SPRY3: variants seen among roughly 807,000 people sequenced by gnomAD.
The protein encoded by SPRY3 is sprouty RTK signaling antagonist 3.
In SPRY3, 15 loss-of-function variants were observed where a neutral mutation model predicts 20.2. That is an observed-to-expected ratio of 0.74 (90% confidence interval 0.50 to 1.14). The LOEUF (loss-of-function observed/expected upper bound fraction) is 1.14, where lower values mean the gene tolerates loss of function less well. Ranked by LOEUF, SPRY3 falls within the 50% of genes most tolerant of loss-of-function variation. SPRY3 has a pLI of 0.00. For missense variants in SPRY3, 364 were observed against 363.9 expected (o/e 1.00, Z 0.00); for synonymous variants, 143 against 136.5 (o/e 1.05, Z -0.33).
intron 2 of SPRY3, among the ~76,000 whole-genome samples, chrX:155,720,349 C>T (rs1279721885): frequency 6.6e-6 from 1 of 152,152 alleles, no homozygotes; most frequent in Non-Finnish European, 1.5e-5. Flanking sequence ...ATCTCTGGGC[C>T]TCCCTGGGGC....
intron 2 of SPRY3, among the ~76,000 whole-genome samples, chrX:155,664,639 G>A (rs1246966325): frequency 3.6e-5 from 4 of 110,311 alleles, no homozygotes; most frequent in Admixed American, 2.9e-4. Flanking sequence ...AATGGTGTTA[G>A]GATATTTGGT....
chrX:155,768,465 G>A (rs142492775), intron 3 of SPRY3, among the ~76,000 whole-genome samples: 393 of 152,024 alleles, frequency 2.6e-3, no homozygotes, highest in South Asian at 0.013. Flanking sequence ...CCCTCAAAAC[G>A]CAGCCTAACC....
chrX:155,735,737 G>A (rs2091164184), intron 2 of SPRY3, among the ~76,000 whole-genome samples: 1 of 151,950 alleles, frequency 6.6e-6, no homozygotes, highest in Non-Finnish European at 1.5e-5. Flanking sequence ...ACAACATATA[G>A]TTGGTTCTTT....
At chrX:155,740,644 T>C (rs2124572615) in intron 2 of SPRY3, among the ~76,000 whole-genome samples, 1 of 152,224 alleles carries the variant, frequency 6.6e-6, no homozygotes, top group South Asian at 2.1e-4. Flanking sequence ...GGTTCTCTGC[T>C]CTCGAACCCT....
intron 1 of SPRY3, among the ~76,000 whole-genome samples, chrX:155,616,132 T>TCTCTCTCTCTC (rs2067852126): frequency 1.2e-3 from 37 of 29,719 alleles, no homozygotes; most frequent in African/African-American, 1.9e-3. Context: ...CTCTCTCTCC[T>TCTCTCTCTCTC]CTCTCTCTCT....
chrX:155,768,271 C>G (rs1265489554), intron 3 of SPRY3, 135 bp downstream of exon 2: 1 of 151,718 alleles, frequency 6.6e-6, no homozygotes, highest in African/African-American at 2.4e-5. Context: ...CGCGCGCAAG[C>G]GCATGGATAA....
chrX:155,768,266 G>A (rs1182771606), intron 3 of SPRY3, 130 bp downstream of exon 2: 1 of 151,870 alleles, frequency 6.6e-6, no homozygotes, highest in African/African-American at 2.4e-5. Context: ...GCGCGCGCGC[G>A]CAAGCGCATG....
intron 2 of SPRY3, among the ~76,000 whole-genome samples, chrX:155,675,068 T>C (rs1557355122): frequency 2.7e-5 from 3 of 111,824 alleles, no homozygotes; most frequent in Non-Finnish European, 5.6e-5. Context: ...TACTTTTTTA[T>C]GATGAAAAAT....
intron 2 of SPRY3, among the ~76,000 whole-genome samples, chrX:155,727,102 AT>A (rs1487729801): frequency 1.3e-5 from 2 of 151,890 alleles, no homozygotes; most frequent in Non-Finnish European, 2.9e-5. Context: ...GTTGAAAATT[AT>A]TTTCTTTAAG....
chrX:155,682,356 T>TG (rs1244642222), intron 2 of SPRY3, among the ~76,000 whole-genome samples: 2 of 112,582 alleles, frequency 1.8e-5, no homozygotes, highest in East Asian at 5.6e-4. Flanking sequence ...ATAATGCACC[T>TG]GCTAGGTCAA....
chrX:155,774,093 C>G (rs2091403702), exon 4 of SPRY3: 5 of 1,613,852 alleles, frequency 3.1e-6, no homozygotes, highest in Middle Eastern at 1.6e-4. Flanking sequence ...AACTGCAGCC[C>G]TTGCCTCAGC....
chrX:155,699,189 G>C (rs1032828456), intron 2 of SPRY3, among the ~76,000 whole-genome samples: 3 of 111,971 alleles, frequency 2.7e-5, no homozygotes, highest in African/African-American at 9.7e-5. Context: ...AAAACTTCTA[G>C]AACTCATAGT....
At chrX:155,763,438 ACTCTAGTAT>A (rs892403117) in intron 2 of SPRY3, among the ~76,000 whole-genome samples, 128 of 151,864 alleles carry the variant, frequency 8.4e-4, no homozygotes, top group African/African-American at 2.8e-3. Context: ...GGCTGACCTG[ACTCTAGTAT>A]CTCCCCACTC....
At chrX:155,647,916 C>T (rs1185470432) in intron 1 of SPRY3, among the ~76,000 whole-genome samples, 2 of 111,801 alleles carry the variant, frequency 1.8e-5, no homozygotes, top group African/African-American at 6.5e-5. Flanking sequence ...ATTACCCTCC[C>T]ACCAACAGTG....
chrX:155,773,712 A>T, intron 3 of SPRY3, 54 bp from the exon 3 acceptor site: 1 of 804,942 alleles, frequency 1.2e-6, no homozygotes. Flanking sequence ...GGTTTCTTGC[A>T]AAGTACTTAT....
chrX:155,752,827 A>G (rs2091269635), intron 2 of SPRY3, among the ~76,000 whole-genome samples: 1 of 151,848 alleles, frequency 6.6e-6, no homozygotes, highest in Admixed American at 6.6e-5. Flanking sequence ...GCAATTTGGC[A>G]ATATTAATCA....
chrX:155,775,228 C>A (rs2091416744), exon 4 of SPRY3: 1 of 181,020 alleles, frequency 5.5e-6, no homozygotes, highest in African/African-American at 2.4e-5. Flanking sequence ...CTTCTTTATT[C>A]CTCTCTCCTC....
chrX:155,774,045 G>T, exon 4 of SPRY3: 1 of 1,613,906 alleles, frequency 6.2e-7, no homozygotes, highest in Non-Finnish European at 8.5e-7. Flanking sequence ...TGGCTACCAT[G>T]CCTACTTCTC....
intron 2 of SPRY3, among the ~76,000 whole-genome samples, chrX:155,748,918 C>T (rs1429625676): frequency 6.6e-6 from 1 of 151,616 alleles, no homozygotes; most frequent in Non-Finnish European, 1.5e-5. Flanking sequence ...AAACAGGCAA[C>T]CGAGAATCAT....
Sources: gnomAD v4.1 joint callset for allele counts (sites outside exome capture counted in the v4.1 genomes callset) on GRCh38, gnomAD v4.1.1 for gene constraint, MANE v1.5 for transcripts, NCBI Gene and HGNC (gene_info 2026-07-23, HGNC 2026-07-21) for gene names.